Variants in IPP observed in about 807,000 individuals in gnomAD.
IPP encodes the protein intracisternal A particle-promoted polypeptide.
IPP carries 41 observed loss-of-function variants against 64.1 expected under a neutral mutation model. The ratio of observed to expected loss-of-function variants is 0.64; its 90% CI spans 0.50 to 0.83. The LOEUF is 0.83. Among genes scored for constraint, IPP ranks in the 40% least tolerant of loss-of-function variants. The probability of loss-of-function intolerance (pLI) is 0.00; values close to 1 mark genes in which losing one functional copy is unlikely to be tolerated. For synonymous variants in IPP, 214 were observed against 235.2 expected (o/e 0.91, Z 0.83); for missense variants, 649 against 703.0 (o/e 0.92, Z 0.87).
At chr1:45,738,855 A>AAAAAACAAAC (rs1646018109) in intron 3 of IPP, among the ~76,000 whole-genome samples, 1 of 149,668 alleles carries the variant, frequency 6.7e-6, no homozygotes, top group African/African-American at 2.5e-5. Flanking sequence ...AAAAAAAAAA[A>AAAAAACAAAC]AAAAAAAAAA....
rs1435837448 is a variant in IPP at position 45,700,087 on chromosome 1, T to C, written c.1634A>G (p.His545Arg). ...CAAGGTACCTGGAGCCAAAAAATCA[T>C]GGCTGGAAGATCGACCTCCAGAAAC... The part of the protein sequence containing the change: ...LYVSGGRSSS[H>R]DFLAPGTLDS... The change falls in exon 9 of 9, where the codon CAT becomes CGT. Residue 545 changes from histidine to arginine, a missense_variant. Transcript: ENST00000396478. 3 of 1,614,120 alleles carry C rather than the reference T, an allele frequency of 1.9e-6. No individual in the cohort carries two copies. Among genetic ancestry groups the C allele is most frequent in the South Asian group, 2.2e-5 (2 of 91,084 alleles).
intron 3 of IPP, among the ~76,000 whole-genome samples, chr1:45,737,679 T>G (rs1056897396): frequency 1.3e-5 from 2 of 152,070 alleles, no homozygotes; most frequent in African/African-American, 4.8e-5. Flanking sequence ...AGGCTGGTCT[T>G]GAACTCCTAG....
At chr1:45,710,544 C>A (rs1645575961) in intron 8 of IPP, among the ~76,000 whole-genome samples, 1 of 40,482 alleles carries the variant, frequency 2.5e-5, no homozygotes. Context: ...TTGCTTGAAC[C>A]CGGGAGGCGG....
At chr1:45,700,940 AACACCTG>A (rs1175649067) in intron 8 of IPP, among the ~76,000 whole-genome samples, 5 of 152,346 alleles carry the variant, frequency 3.3e-5, no homozygotes, top group Non-Finnish European at 7.3e-5. Context: ...CACAGCATGG[AACACCTG>A]ACAAATTTAT....
intron 8 of IPP, among the ~76,000 whole-genome samples, chr1:45,700,720 A>G (rs947679132): frequency 6.6e-6 from 1 of 152,236 alleles, no homozygotes; most frequent in Non-Finnish European, 1.5e-5. Flanking sequence ...TCTGATTATA[A>G]AACATGATCA....
At chr1:45,750,250 A>G (rs1646203525) in intron 1 of IPP, among the ~76,000 whole-genome samples, 1 of 152,196 alleles carries the variant, frequency 6.6e-6, no homozygotes, top group Admixed American at 6.5e-5. Flanking sequence ...CTAGAGAGCT[A>G]GCCCTAAACT....
chr1:45,701,070 T>C (rs969136329), intron 8 of IPP, among the ~76,000 whole-genome samples: 1 of 152,254 alleles, frequency 6.6e-6, no homozygotes, highest in Non-Finnish European at 1.5e-5. Flanking sequence ...TACTTTGGTA[T>C]AGCCTGAGAA....
At chr1:45,736,639 C>G (rs1409451488) in intron 3 of IPP, among the ~76,000 whole-genome samples, 1 of 152,036 alleles carries the variant, frequency 6.6e-6, no homozygotes, top group Admixed American at 6.6e-5. Flanking sequence ...TTTTCCTTCA[C>G]TGAAATACCA....
intron 8 of IPP, among the ~76,000 whole-genome samples, chr1:45,703,637 G>A (rs1206962064): frequency 2.6e-5 from 4 of 151,814 alleles, no homozygotes; most frequent in Non-Finnish European, 4.4e-5. Context: ...AATTTAACCT[G>A]GTTTAACCCA....
At chr1:45,713,313 C>T (rs984951882) in intron 8 of IPP, among the ~76,000 whole-genome samples, 16 of 152,090 alleles carry the variant, frequency 1.1e-4, no homozygotes, top group African/African-American at 3.6e-4. Flanking sequence ...GTAATCCCAG[C>T]ACTTTGGGAG....
At position 45,713,359 on chromosome 1, in the gene IPP, G is replaced by A. The variant is rs140798537; in HGVS notation, c.1530+887C>T. Among the ~76,000 whole-genome samples, 458 of 152,130 alleles carry A rather than the reference G, an allele frequency of 3.0e-3. 4 individuals carry two copies. Among genetic ancestry groups the A allele is most frequent in the East Asian group, 0.022 (113 of 5,160 alleles). On this transcript the variant is annotated intron_variant, in intron 8 of 8. Coordinates refer to ENST00000396478, the MANE Select transcript of IPP (RefSeq NM_005897.3). ...GCGGATCACCTGAGGTAGGGAGTTC[G>A]AAACCAGCCTGACCAACATAGAGAA... is the stretch of plus-strand genomic sequence containing the variant.
At chr1:45,741,769 C>T (rs1646070219) in intron 2 of IPP, among the ~76,000 whole-genome samples, 1 of 125,686 alleles carries the variant, frequency 8.0e-6, no homozygotes, top group South Asian at 3.0e-4. Flanking sequence ...GCTGGGACTA[C>T]AGGCGCCCGC....
At chr1:45,739,410 T>C (rs1188544765) in intron 3 of IPP, among the ~76,000 whole-genome samples, 1 of 32,608 alleles carries the variant, frequency 3.1e-5, no homozygotes, top group Admixed American at 2.8e-4. Context: ...ATTTTTTGCC[T>C]TTTTTTTTTT....
intron 3 of IPP, 51 bp downstream of exon 3, chr1:45,740,850 C>A: frequency 8.6e-7 from 1 of 1,168,074 alleles, no homozygotes. Flanking sequence ...TTTCAGAGAA[C>A]ACATCACTGG....
chr1:45,747,114 A>C lies in IPP; in HGVS notation c.-50-653T>G, dbSNP rs191281583. Among the ~76,000 whole-genome samples, 1,058 of 150,066 alleles carry C rather than the reference A, an allele frequency of 7.1e-3. 15 individuals carry two copies. The highest frequency in any genetic ancestry group is 0.024 in the African/African-American group (1,005 of 41,028). On this transcript the variant is annotated intron_variant, in intron 1 of 8. Coordinates refer to ENST00000396478, the MANE Select transcript of IPP (RefSeq NM_005897.3). ...ACTCTTAGTGCGCGCATGCGCGCGC[A>C]CACGAGCGCGCGCGCGCGCTTCAGA...
chr1:45,696,826 A>C (rs1645392268), downstream of IPP: 1 of 152,314 alleles, frequency 6.6e-6, no homozygotes, highest in Non-Finnish European at 1.5e-5. Flanking sequence ...ACCTAGGAAT[A>C]ATAAGCATAT....
intron 6 of IPP, among the ~76,000 whole-genome samples, chr1:45,718,143 G>A (rs1298748938): frequency 6.6e-6 from 1 of 152,118 alleles, no homozygotes. Flanking sequence ...AAATAATATA[G>A]TACAGAACTT....
chr1:45,735,720 C>T (rs1364958299), intron 3 of IPP, among the ~76,000 whole-genome samples: 1 of 149,968 alleles, frequency 6.7e-6, no homozygotes, highest in Non-Finnish European at 1.5e-5. Flanking sequence ...ACCTCCGCCT[C>T]CTCGGTTCAA....
chr1:45,729,799 TAAAC>T lies in IPP; in HGVS notation c.725-34_725-31del, dbSNP rs924586428. The T allele has an allele frequency of 5.2e-6, 7 of 1,333,518 alleles. 1 individual carries two copies. Among genetic ancestry groups the T allele is most frequent in the Middle Eastern group, 3.7e-4 (2 of 5,410 alleles). The allele number at this position is 1,333,518 out of a possible 1,614,324, so 82.6% of individuals were successfully genotyped here. ...AACAATATTTAAAAAGACAATGTTT[TAAAC>T]AATTTTTAAATAATATTGAAAAAAC... On this transcript the variant is annotated intron_variant, in intron 3 of 8. Transcript: ENST00000396478.
Sources: allele counts gnomAD v4.1 joint callset (sites outside exome capture counted in the v4.1 genomes callset), GRCh38; gene constraint gnomAD v4.1.1; transcripts MANE v1.5; gene names NCBI Gene and HGNC (gene_info 2026-07-23, HGNC 2026-07-21).